MYORG: variants seen among roughly 807,000 people sequenced by gnomAD.
MYORG encodes alpha-galactosidase MYORG.
Under a neutral mutation model 49.8 loss-of-function variants are expected in MYORG, and 45 were observed. That is an observed-to-expected ratio of 0.90 (90% CI 0.71 to 1.16). MYORG has a LOEUF of 1.16. MYORG is among the 50% of genes most tolerant of loss of function. The pLI is 0.00. For synonymous variants in MYORG, 552 were observed against 462.9 expected (o/e 1.19, Z -2.47); for missense variants, 1,110 against 1,026.5 (o/e 1.08, Z -1.11).
In MYORG at chr9:34,370,615, T is replaced by C; in HGVS notation, c.*184A>G. 9.4e-7 allele frequency: 1 copy of C among 1,064,334 alleles called. No individual in the cohort carries two copies. The highest frequency in any genetic ancestry group is 1.3e-6 in the Non-Finnish European group (1 of 761,068). 65.9% of individuals were successfully genotyped at this position (1,064,334 alleles called of 1,614,324 possible). On this transcript the variant is annotated 3_prime_UTR_variant, in exon 2 of 2. Coordinates refer to ENST00000297625, the MANE Select transcript of MYORG (RefSeq NM_020702.5). ...AGGATTGTGCGTTGGAGCAGGAGAT[T>C]GCTTCAGTGCCCCCTCCCTAGGCCC...
At position 34,370,856 on chromosome 9, in the gene MYORG, C is replaced by T. The variant is rs1820578564; in HGVS notation, c.2088G>A (p.Leu696=). The stretch of plus-strand genomic sequence containing the variant: ...CCAGGTCGACCGGGTAATCGGTGAG[C>T]AGCACCGGCGTCTTGTCGAAAAGCT... The part of the protein sequence containing the change: ...KGELFDKTPV[L]LTDYPVDLDE... Residue 696 remains leucine (L), a synonymous_variant, in exon 2 of 2, where the codon CTG becomes CTA. Transcript: ENST00000297625. 10 of 1,603,508 alleles carry T rather than the reference C, an allele frequency of 6.2e-6. No homozygotes were observed. Among genetic ancestry groups the T allele is most frequent in the Non-Finnish European group, 8.5e-6 (10 of 1,171,596 alleles).
At position 34,373,033 on chromosome 9, in the gene MYORG, T is replaced by A. The variant is rs991497654; in HGVS notation, c.-63-27A>T. ...TGAAAGGAGGAGACAGAGATGGAAC[T>A]GAGCTATCTCATCCCATGATATTTC... On this transcript the variant is annotated intron_variant, in intron 1 of 1. Coordinates refer to ENST00000297625, the MANE Select transcript of MYORG (RefSeq NM_020702.5). 432 of 1,428,390 alleles carry A rather than the reference T, an allele frequency of 3.0e-4. 1 individual carries two copies. Among genetic ancestry groups the A allele is most frequent in the Non-Finnish European group, 3.5e-4 (361 of 1,042,802 alleles). The allele number at this position is 1,428,390 out of a possible 1,614,324, so 88.5% of individuals were successfully genotyped here.
Position 34,371,896 on chromosome 9 carries a change from G to A in MYORG, c.1048C>T (p.Leu350=). The change falls in exon 2 of 2, where the codon CTG becomes TTG. Residue 350 remains leucine, a synonymous_variant. Transcript: ENST00000297625. Reference sequence around the variant, plus strand: ...GGTGTGTACATGTCGTCGATTTCCAGGTGGCTGCTGTTGAAGTGGTGCAGG... The same window carrying A: ...GGTGTGTACATGTCGTCGATTTCCAAGTGGCTGCTGTTGAAGTGGTGCAGG... The part of the protein sequence containing the change: ...IRLHHFNSSH[L]EIDDMYTPAY... 1.2e-6 allele frequency: 2 copies of A among 1,614,050 alleles called. No individual in the cohort carries two copies. The highest frequency in any genetic ancestry group is 1.7e-6 in the Non-Finnish European group (2 of 1,179,892).
rs1477573294 is a variant in MYORG at position 34,371,589 on chromosome 9, C to T, written c.1355G>A (p.Arg452His). Residue 452 changes from arginine to histidine, a missense_variant, in exon 2 of 2, where the codon CGC (arginine) becomes CAC (histidine). Physicochemically the swap from Arg to His is conservative, Grantham distance 29. Coordinates refer to ENST00000297625, the MANE Select transcript of MYORG (RefSeq NM_020702.5). ...GAAGGAAGCCACGGAGTAGCGAGAG[C>T]GCAGCCGCCGCAGGTGTCCCTGGAA... ...DWFQGHLRRLRSRYSVASFKF... is the reference protein window; with the variant it reads ...DWFQGHLRRLHSRYSVASFKF... The T allele has an allele frequency of 6.2e-7, 1 of 1,603,162 alleles. No homozygotes were observed. The highest frequency in any genetic ancestry group is 2.2e-5 in the East Asian group (1 of 44,676).
Position 34,370,787 on chromosome 9 carries a change from C to G in MYORG, c.*12G>C, listed in dbSNP as rs560676278. On this transcript the variant is annotated 3_prime_UTR_variant, in exon 2 of 2. Transcript: ENST00000297625. ...GACTGGGGGCTTTGCGGTTACCGGGCCCTGGGCTGGGTCAGGACGCCCAGG... is the reference window on the plus strand; with the variant it reads ...GACTGGGGGCTTTGCGGTTACCGGGGCCTGGGCTGGGTCAGGACGCCCAGG... 6.4e-7 allele frequency: 1 copy of G among 1,559,096 alleles called. No homozygotes were observed. Among genetic ancestry groups the G allele is most frequent in the African/African-American group, 1.4e-5 (1 of 73,940 alleles).
rs1378324692 is a variant in MYORG, at chr9:34,374,355, T to C, written c.-63-1349A>G. On this transcript the variant is annotated intron_variant, in intron 1 of 1. Coordinates refer to ENST00000297625, the MANE Select transcript of MYORG (RefSeq NM_020702.5). Reference sequence around the variant, plus strand: ...TGATGAAATTTAAAAGTGTTTGCTTTGCACTGGAGGCTCCAGGCATGATGT... The same window carrying C: ...TGATGAAATTTAAAAGTGTTTGCTTCGCACTGGAGGCTCCAGGCATGATGT... 3.9e-5 allele frequency among the ~76,000 whole-genome samples: 6 copies of C among 152,340 alleles called. No homozygotes were observed. In the East Asian group the frequency reaches 1.2e-3, roughly 29 times the overall value.
At position 34,372,309 on chromosome 9, in the gene MYORG, C is replaced by T. The variant is rs1404697132; in HGVS notation, c.635G>A (p.Ser212Asn). 6.2e-7 allele frequency: 1 copy of T among 1,609,680 alleles called. No homozygotes were observed. Among genetic ancestry groups the T allele is most frequent in the Non-Finnish European group, 8.5e-7 (1 of 1,178,516 alleles). The part of the protein sequence containing the change: ...GQQEPQPFVT[S>N]DVYSSDAAFG... ...CGCGGCGTCGGAGGAGTAGACATCG[C>T]TGGTGACGAACGGCTGGGGCTCCTG... The change falls in exon 2 of 2, where the codon AGC becomes AAC. Residue 212 changes from serine to asparagine, a missense_variant. Coordinates refer to ENST00000297625, the MANE Select transcript of MYORG (RefSeq NM_020702.5).
chr9:34,371,652 G>A lies in MYORG; in HGVS notation c.1292C>T (p.Ala431Val). 1 of 1,606,078 alleles carries A rather than the reference G, an allele frequency of 6.2e-7. No homozygotes were observed. The highest frequency in any genetic ancestry group is 8.5e-7 in the Non-Finnish European group (1 of 1,176,788). Residue 431 changes from alanine to valine, a missense_variant, in exon 2 of 2, where the codon GCG becomes GTG. Physicochemically the swap from Ala to Val is moderately conservative, Grantham distance 64. Transcript: ENST00000297625. Reference sequence around the variant, plus strand: ...CTTTGGGTGCGTGAAGTCTAGCACCGCGCCGATGCCGTTCCACCAGCGCAC... The same window carrying A: ...CTTTGGGTGCGTGAAGTCTAGCACCACGCCGATGCCGTTCCACCAGCGCAC... ...ALVRWWNGIG[A>V]VLDFTHPKAR...
chr9:34,372,073 A>T lies in MYORG; in HGVS notation c.871T>A (p.Ser291Thr). ...CGACGCACCATGTACTTGTGGATGGAGGTGACGTCTGAGCCCACGCACACT... is the reference window on the plus strand; with the variant it reads ...CGACGCACCATGTACTTGTGGATGGTGGTGACGTCTGAGCCCACGCACACT... ...YRVCVGSDVT[S>T]IHKYMVRRYF... The change falls in exon 2 of 2, where the codon TCC becomes ACC. Residue 291 changes from serine to threonine, a missense_variant. By Grantham distance (58) the Ser-to-Thr change is moderately conservative. Transcript: ENST00000297625. 6.2e-7 allele frequency: 1 copy of T among 1,613,568 alleles called. No individual in the cohort carries two copies. Among genetic ancestry groups the T allele is most frequent in the Non-Finnish European group, 8.5e-7 (1 of 1,179,846 alleles).
rs879357860 is a variant in MYORG, at chr9:34,371,075, C to G, written c.1869G>C (p.Ala623=). 2 of 1,611,048 alleles carry G rather than the reference C, an allele frequency of 1.2e-6. No homozygotes were observed. Among genetic ancestry groups the G allele is most frequent in the Non-Finnish European group, 1.7e-6 (2 of 1,178,450 alleles). The change falls in exon 2 of 2, where the codon GCG becomes GCC. Residue 623 remains alanine, a synonymous_variant. Coordinates refer to ENST00000297625, the MANE Select transcript of MYORG (RefSeq NM_020702.5). ...SLVAPLLLEL[A]GEVTDTGDPI... is the part of the protein sequence containing the mutation. Reference sequence around the variant, plus strand: ...GGTCACCCGTGTCGGTGACCTCGCCCGCCAGCTCAAGCAACAGCGGTGCCA... The same window carrying G: ...GGTCACCCGTGTCGGTGACCTCGCCGGCCAGCTCAAGCAACAGCGGTGCCA...
chr9:34,371,286 A>G lies in MYORG; in HGVS notation c.1658T>C (p.Met553Thr), dbSNP rs760137437. ...MLGYPFILPD[M>T]VGGNAVPQRT... Reference sequence around the variant, plus strand: ...CTGGGGCACGGCGTTGCCGCCCACCATATCGGGTAGGATGAATGGGTAGCC... The same window carrying G: ...CTGGGGCACGGCGTTGCCGCCCACCGTATCGGGTAGGATGAATGGGTAGCC... The change falls in exon 2 of 2, where the codon ATG becomes ACG. Residue 553 changes from methionine (M) to threonine (T), a missense_variant. By Grantham distance (81) the Met-to-Thr change is moderately conservative. Transcript: ENST00000297625. 4 of 1,610,902 alleles carry G rather than the reference A, an allele frequency of 2.5e-6. No individual in the cohort carries two copies. The African/African-American group carries it at 5.3e-5, about 22-fold the overall frequency.
At position 34,372,721 on chromosome 9, in the gene MYORG, A is replaced by C. The variant is rs770621275; in HGVS notation, c.223T>G (p.Trp75Gly). 1.5e-5 allele frequency: 25 copies of C among 1,613,008 alleles called. No homozygotes were observed. In the African/African-American group the frequency reaches 2.9e-4, roughly 19 times the overall value. Residue 75 changes from tryptophan to glycine, a missense_variant, in exon 2 of 2, where the codon TGG (tryptophan) becomes GGG (glycine). Physicochemically the swap from Trp to Gly is radical, Grantham distance 184. Coordinates refer to ENST00000297625, the MANE Select transcript of MYORG (RefSeq NM_020702.5). ...CGTAGGGAGACGCTGTAGTAGCACCAGGCCACCACCGCGGCCAGCACAAGC... is the reference window on the plus strand; with the variant it reads ...CGTAGGGAGACGCTGTAGTAGCACCCGGCCACCACCGCGGCCAGCACAAGC... Reference protein sequence around the residue: ...LLLVLAAVVAWCYYSVSLRKA... With the variant: ...LLLVLAAVVAGCYYSVSLRKA...
chr9:34,372,412 A>G lies in MYORG; in HGVS notation c.532T>C (p.Leu178=). The change falls in exon 2 of 2, where the codon TTG becomes CTG. Residue 178 remains leucine (L), a synonymous_variant. Transcript: ENST00000297625. ...PGRAVEHAMF[L]GDAAAHWYGG... is the part of the protein sequence containing the mutation. ...TACCAGTGGGCCGCCGCGTCGCCCA[A>G]GAACATGGCGTGCTCCACGGCCCGG... 1.3e-6 allele frequency: 2 copies of G among 1,584,372 alleles called. No individual in the cohort carries two copies. Among genetic ancestry groups the G allele is most frequent in the South Asian group, 1.1e-5 (1 of 87,396 alleles).
In MYORG at chr9:34,371,456, G is replaced by C. The variant is rs41311426; in HGVS notation, c.1488C>G (p.Pro496=). Residue 496 remains proline (P), a synonymous_variant, in exon 2 of 2, where the codon CCC becomes CCG. Coordinates refer to ENST00000297625, the MANE Select transcript of MYORG (RefSeq NM_020702.5). Reference sequence around the variant, plus strand: ...CGCGCACCTCCGCCAGCGAGAAGAAGGGCAGCGCCATCTCAGTGTAGCGCC... The same window carrying C: ...CGCGCACCTCCGCCAGCGAGAAGAACGGCAGCGCCATCTCAGTGTAGCGCC... ...WSRRYTEMAL[P]FFSLAEVRVG... The C allele has an allele frequency of 0.022, 36,272 of 1,612,876 alleles. 500 individuals are homozygous for C. The highest frequency in any genetic ancestry group is 0.027 in the Non-Finnish European group (32,102 of 1,179,788).
rs763244109 is a variant in MYORG, at chr9:34,372,972, G to A, written c.-29C>T. ...TGGGCTGCTAAGAAAGGAGCGGGCC[G>A]TGGGGCCATCTGACTGAGTTCATCT... On this transcript the variant is annotated 5_prime_UTR_variant, in exon 2 of 2. The change creates a new upstream start codon in the 5' untranslated region. Coordinates refer to ENST00000297625, the MANE Select transcript of MYORG (RefSeq NM_020702.5). The A allele has an allele frequency of 2.5e-6, 4 of 1,602,088 alleles. No homozygotes were observed. The African/African-American group carries it at 4.0e-5, about 16-fold the overall frequency.
chr9:34,369,463 A>C lies in MYORG; in HGVS notation c.*1336T>G, dbSNP rs919111734. On this transcript the variant is annotated 3_prime_UTR_variant, in exon 2 of 2. Transcript: ENST00000297625. ...TTTGGGAGGCCAAGGTGGGTGCATC[A>C]CTAGGTCAGGAGTTTGAGACTAGCC... 6.6e-6 allele frequency: 1 copy of C among 152,154 alleles called. No individual in the cohort carries two copies. The highest frequency in any genetic ancestry group is 2.4e-5 in the African/African-American group (1 of 41,398). 9.4% of individuals were successfully genotyped at this position (152,154 alleles called of 1,614,324 possible).
At chr9:34,375,734 C>T (rs1820707786) in intron 1 of MYORG, among the ~76,000 whole-genome samples, 1 of 152,178 alleles carries the variant, frequency 6.6e-6, no homozygotes, top group South Asian at 2.1e-4. Flanking sequence ...GATTCAAAAG[C>T]CCTTTCCGAC....
rs757944000 is a variant in MYORG, at chr9:34,371,112, C to A, written c.1832G>T (p.Arg611Leu). Residue 611 changes from arginine to leucine, a missense_variant, in exon 2 of 2, where the codon CGG becomes CTG. Arg to Leu is a moderately radical substitution (Grantham distance 102, BLOSUM62 -2). Transcript: ENST00000297625. Reference protein sequence around the residue: ...VAIAQKFAALRASLVAPLLLE... With the variant: ...VAIAQKFAALLASLVAPLLLE... ...CAACAGCGGTGCCACAAGCGAGGCC[C>A]GCAGGGCGGCGAACTTCTGCGCGAT... 6 of 1,608,008 alleles carry A rather than the reference C, an allele frequency of 3.7e-6. No individual in the cohort carries two copies. The Admixed American group carries it at 6.7e-5, about 18-fold the overall frequency.
rs1820524679 is a variant in MYORG at position 34,367,874 on chromosome 9, T to TC, written c.*2924dup. The TC allele has an allele frequency of 6.6e-6, 1 of 152,212 alleles. No homozygotes were observed. The highest frequency in any genetic ancestry group is 6.5e-5 in the Admixed American group (1 of 15,286). The allele number at this position is 152,212 out of a possible 1,614,324, so 9.4% of individuals were successfully genotyped here. ...TCTACTAGGCAGTGTCCCAGTGGGG[T>TC]CTCTGTGTGGGGGCTTCCCCTTCCA... On this transcript the variant is annotated 3_prime_UTR_variant, in exon 2 of 2. Transcript: ENST00000297625.
Sources: gnomAD v4.1 joint callset for allele counts (sites outside exome capture counted in the v4.1 genomes callset) on GRCh38, gnomAD v4.1.1 for gene constraint, MANE v1.5 for transcripts, NCBI Gene and HGNC (gene_info 2026-07-23, HGNC 2026-07-21) for gene names.